The following IL1RAPL2 variants were observed in gnomAD, a reference collection of about 807,000 sequenced individuals.
The protein encoded by IL1RAPL2 is X-linked interleukin-1 receptor accessory protein-like 2.
Under a neutral mutation model 44.1 loss-of-function variants are expected in IL1RAPL2, and 3 were observed. That is an observed-to-expected ratio of 0.07 (90% CI 0.03 to 0.18). IL1RAPL2 has a LOEUF of 0.18. IL1RAPL2 is among the 10% of genes least tolerant of loss of function. The probability of loss-of-function intolerance (pLI) is 1.00; values close to 1 mark genes in which losing one functional copy is unlikely to be tolerated. For synonymous variants in IL1RAPL2, 181 were observed against 178.8 expected, an observed-to-expected ratio of 1.01 and a Z score of -0.10; for missense variants, 391 against 496.4, an observed-to-expected ratio of 0.79 and a Z score of 2.02.
chrX:105,547,243 C>A (rs1224480087), intron 6 of IL1RAPL2, among the ~76,000 whole-genome samples: 3 of 112,043 alleles, frequency 2.7e-5, no homozygotes, highest in South Asian at 7.3e-4. Flanking sequence ...TATAGTAAAT[C>A]CAAACAAATG....
At chrX:105,248,831 A>G (rs749934228) in intron 4 of IL1RAPL2, among the ~76,000 whole-genome samples, 1 of 111,548 alleles carries the variant, frequency 9.0e-6, no homozygotes, top group South Asian at 3.7e-4. Context: ...TATATCCAAA[A>G]TGCAGACAAT....
chrX:104,868,530 G>T (rs1922679686), intron 2 of IL1RAPL2, among the ~76,000 whole-genome samples: 1 of 112,173 alleles, frequency 8.9e-6, no homozygotes, highest in South Asian at 3.7e-4. Context: ...CTGCAGAAAA[G>T]AACTTGATAA....
At chrX:105,468,514 G>T (rs1302893308) in intron 5 of IL1RAPL2, among the ~76,000 whole-genome samples, 2 of 112,139 alleles carry the variant, frequency 1.8e-5, no homozygotes, top group Admixed American at 1.9e-4. Flanking sequence ...AAGTTTGGTT[G>T]AATGCCCTGA....
intron 1 of IL1RAPL2, among the ~76,000 whole-genome samples, chrX:104,635,283 C>T (rs1929767825): frequency 9.0e-6 from 1 of 110,932 alleles, no homozygotes; most frequent in South Asian, 3.8e-4. Context: ...ACCTTTTTTC[C>T]TTCATTTCAA....
intron 2 of IL1RAPL2, among the ~76,000 whole-genome samples, chrX:104,989,048 A>G (rs1470340391): frequency 8.9e-6 from 1 of 111,796 alleles, no homozygotes; most frequent in African/African-American, 3.2e-5. Flanking sequence ...AAGTGTGTGT[A>G]TATCCTCCCC....
chrX:105,678,040 G>A (rs1404247203), intron 6 of IL1RAPL2, among the ~76,000 whole-genome samples: 1 of 111,755 alleles, frequency 8.9e-6, no homozygotes, highest in Non-Finnish European at 1.9e-5. Flanking sequence ...CAAAAGTATG[G>A]TTACGTTATC....
At chrX:104,770,185 C>A (rs1932618686) in intron 2 of IL1RAPL2, among the ~76,000 whole-genome samples, 1 of 110,985 alleles carries the variant, frequency 9.0e-6, no homozygotes, top group African/African-American at 3.3e-5. Context: ...TCCATTGCTG[C>A]CTGCTCCCAG....
chrX:104,677,794 C>T (rs979003369), intron 2 of IL1RAPL2, among the ~76,000 whole-genome samples: 68 of 112,062 alleles, frequency 6.1e-4, no homozygotes, highest in Non-Finnish European at 1.1e-3. Context: ...GATTTAATCT[C>T]GTGGTGCGCC....
In IL1RAPL2 at chrX:105,447,819, AAT is replaced by A. The variant is rs1334960620; in HGVS notation, c.698-36486_698-36485del. Reference sequence around the variant, plus strand: ...AATATATTATACATATAAATATATAAATATATATAAATATATTATACATATAA... The same window carrying A: ...AATATATTATACATATAAATATATAAATATATAAATATATTATACATATAA... On this transcript the variant is annotated intron_variant, in intron 5 of 10. Coordinates refer to ENST00000372582, the MANE Select transcript of IL1RAPL2 (RefSeq NM_017416.2). 2.8e-3 allele frequency among the ~76,000 whole-genome samples: 252 copies of A among 91,526 alleles called. 2 individuals are homozygous for A. Among genetic ancestry groups the A allele is most frequent in the African/African-American group, 9.7e-3 (236 of 24,451 alleles). 79.5% of individuals were successfully genotyped at this position (91,526 alleles called of 115,157 possible). A position where few individuals can be genotyped will look rare whatever the true frequency, so the allele number is the denominator to read the frequency against.
At chrX:104,747,592 GA>G (rs1429223395) in intron 2 of IL1RAPL2, among the ~76,000 whole-genome samples, 1 of 111,151 alleles carries the variant, frequency 9.0e-6, no homozygotes, top group Non-Finnish European at 1.9e-5. Flanking sequence ...CTGACTTAGG[GA>G]AGGGGGACAG....
At chrX:105,248,829 A>G (rs1026823037) in intron 4 of IL1RAPL2, among the ~76,000 whole-genome samples, 1 of 111,578 alleles carries the variant, frequency 9.0e-6, no homozygotes, top group African/African-American at 3.2e-5. Flanking sequence ...CTTATATCCA[A>G]AATGCAGACA....
chrX:105,690,881 T>A (rs986039202), intron 6 of IL1RAPL2, among the ~76,000 whole-genome samples: 1 of 111,194 alleles, frequency 9.0e-6, no homozygotes, highest in Non-Finnish European at 1.9e-5. Flanking sequence ...CAACAAAAAT[T>A]TTTTCCTCAC....
intron 5 of IL1RAPL2, among the ~76,000 whole-genome samples, chrX:105,287,355 C>T (rs749866407): frequency 9.0e-6 from 1 of 111,524 alleles, no homozygotes; most frequent in Admixed American, 9.5e-5. Context: ...ATAAGGCCAA[C>T]TACAGCTGGC....
chrX:105,243,563 G>A lies in IL1RAPL2; in HGVS notation c.543+9559G>A, dbSNP rs5962489. Among the ~76,000 whole-genome samples, 29 of 71,042 alleles carry A rather than the reference G, an allele frequency of 4.1e-4. No individual in the cohort carries two copies. In the African/African-American group the frequency reaches 9.4e-3, roughly 23 times the overall value. 61.7% of individuals were successfully genotyped at this position (71,042 alleles called of 115,157 possible). A position where few individuals can be genotyped will look rare whatever the true frequency, so the allele number is the denominator to read the frequency against. On this transcript the variant is annotated intron_variant, in intron 4 of 10. Transcript: ENST00000372582. ...TATATGTGTGTATATATATATATAT[G>A]TGTGTATATATATATATATATGTGT...
intron 2 of IL1RAPL2, among the ~76,000 whole-genome samples, chrX:105,102,228 A>G (rs1309083856): frequency 9.0e-6 from 1 of 111,199 alleles, no homozygotes; most frequent in East Asian, 2.8e-4. Context: ...CTAACCCTTC[A>G]CCCACACCAA....
intron 2 of IL1RAPL2, among the ~76,000 whole-genome samples, chrX:104,720,361 A>G (rs1286702368): frequency 1.8e-5 from 2 of 111,899 alleles, no homozygotes; most frequent in African/African-American, 6.5e-5. Context: ...TAAATACTGA[A>G]GGAATATCAT....
intron 2 of IL1RAPL2, among the ~76,000 whole-genome samples, chrX:105,016,236 A>G (rs754659555): frequency 5.8e-4 from 65 of 111,727 alleles, no homozygotes; most frequent in Middle Eastern, 9.1e-3. Flanking sequence ...GGTTTTCTAA[A>G]TATGCAATCA....
At chrX:105,231,830 C>G (rs1046672122) in intron 3 of IL1RAPL2, among the ~76,000 whole-genome samples, 2 of 111,670 alleles carry the variant, frequency 1.8e-5, no homozygotes, top group Admixed American at 9.5e-5. Flanking sequence ...AGCAAGGAGA[C>G]TTGGAAATAT....
chrX:105,100,067 G>A (rs768061371), intron 2 of IL1RAPL2, among the ~76,000 whole-genome samples: 15 of 111,598 alleles, frequency 1.3e-4, no homozygotes, highest in African/African-American at 4.6e-4. Flanking sequence ...ATACATTCAC[G>A]TAACTTTTAT....
Sources: gnomAD v4.1 joint callset for allele counts (sites outside exome capture counted in the v4.1 genomes callset) on GRCh38, gnomAD v4.1.1 for gene constraint, MANE v1.5 for transcripts, NCBI Gene and HGNC (gene_info 2026-07-23, HGNC 2026-07-21) for gene names.